Variants in P2RY1 observed in about 807,000 individuals in gnomAD.
P2RY1 encodes purinergic receptor P2Y1.
Under a neutral mutation model 22.8 loss-of-function variants are expected in P2RY1, and 14 were observed. The ratio of observed to expected loss-of-function variants is 0.61; its 90% CI spans 0.41 to 0.96. The LOEUF (loss-of-function observed/expected upper bound fraction) is 0.96. Among genes scored for constraint, P2RY1 ranks in the 40% least tolerant of loss-of-function variants. The probability of loss-of-function intolerance (pLI) is 0.00; values close to 1 mark genes in which losing one functional copy is unlikely to be tolerated. For missense variants in P2RY1, 395 were observed against 470.3 expected (o/e 0.84, Z 1.48); for synonymous variants, 200 against 195.1 (o/e 1.03, Z -0.21).
Position 152,837,038 on chromosome 3 carries a change from T to C in P2RY1, c.*134T>C. 1.4e-6 allele frequency: 1 copy of C among 719,640 alleles called. No homozygotes were observed. The highest frequency in any genetic ancestry group is 2.3e-6 in the Non-Finnish European group (1 of 436,246). The allele number at this position is 719,640 out of a possible 1,614,324, so 44.6% of individuals were successfully genotyped here. ...AGAAAATAGTGAGTTAAAAAAATAA[T>C]AGAAGTAGAAATGCCCACATCCACA... On this transcript the variant is annotated 3_prime_UTR_variant, in exon 1 of 1. Transcript: ENST00000305097.
rs1017618625 is a variant in P2RY1 at position 152,838,335 on chromosome 3, T to G, written c.*1431T>G. The G allele has an allele frequency of 6.6e-6, 1 of 152,204 alleles. No homozygotes were observed. Among genetic ancestry groups the G allele is most frequent in the African/African-American group, 2.4e-5 (1 of 41,452 alleles). The allele number at this position is 152,204 out of a possible 1,614,324, so 9.4% of individuals were successfully genotyped here. On this transcript the variant is annotated 3_prime_UTR_variant, in exon 1 of 1. Coordinates refer to ENST00000305097, the MANE Select transcript of P2RY1 (RefSeq NM_002563.5). ...GTTAATAATTTTAATGAATATTGAATTGCTGCATGTCTAGTCCTTGAAATG... is the reference window on the plus strand; with the variant it reads ...GTTAATAATTTTAATGAATATTGAAGTGCTGCATGTCTAGTCCTTGAAATG...
Position 152,835,237 on chromosome 3 carries a change from C to G in P2RY1, c.-546C>G, listed in dbSNP as rs1716113312. The G allele has an allele frequency of 6.5e-6, 1 of 153,012 alleles. No homozygotes were observed. Among genetic ancestry groups the G allele is most frequent in the African/African-American group, 2.4e-5 (1 of 41,476 alleles). 9.5% of individuals were successfully genotyped at this position (153,012 alleles called of 1,614,324 possible). On this transcript the variant is annotated 5_prime_UTR_variant, in exon 1 of 1. Coordinates refer to ENST00000305097, the MANE Select transcript of P2RY1 (RefSeq NM_002563.5). ...TCTGCGGCCACGCGCGCTCCGATGG[C>G]TGCCAGGAGCTGAGCTCAGGGTGGG... is the stretch of plus-strand genomic sequence containing the variant.
rs560558475 is a variant in P2RY1 at position 152,840,669 on chromosome 3, G to A, written c.*3765G>A. The A allele has an allele frequency of 1.4e-4, 21 of 152,168 alleles. No individual in the cohort carries two copies. The highest frequency in any genetic ancestry group is 4.6e-4 in the African/African-American group (19 of 41,512). The allele number at this position is 152,168 out of a possible 1,614,324, so 9.4% of individuals were successfully genotyped here. On this transcript the variant is annotated 3_prime_UTR_variant, in exon 1 of 1. Coordinates refer to ENST00000305097, the MANE Select transcript of P2RY1 (RefSeq NM_002563.5). ...AGAGAAAAAGGCAGCTGGTATAATC[G>A]GTTACTGCTGCTTAGTTCTACTTAA...
chr3:152,836,600 A>G lies in P2RY1; in HGVS notation c.818A>G (p.Tyr273Cys), dbSNP rs1716166451. Residue 273 changes from tyrosine (Y) to cysteine (C), a missense_variant, in exon 1 of 1, where the codon TAC becomes TGC. Transcript: ENST00000305097. This position sits in a 1 kb window ranked among gnomAD's most constrained non-coding sequence, Gnocchi z 5.6. Reference sequence around the variant, plus strand: ...GTACTGACTGTTTTTGCTGTGTCTTACATCCCTTTCCATGTGATGAAAACG... The same window carrying G: ...GTACTGACTGTTTTTGCTGTGTCTTGCATCCCTTTCCATGTGATGAAAACG... The part of the protein sequence containing the change: ...IIVLTVFAVS[Y>C]IPFHVMKTMN... 6.2e-7 allele frequency: 1 copy of G among 1,614,180 alleles called. No individual in the cohort carries two copies. The highest frequency in any genetic ancestry group is 1.1e-5 in the South Asian group (1 of 91,086).
At position 152,835,713 on chromosome 3, in the gene P2RY1, C is replaced by A. The variant is rs1716134791; in HGVS notation, c.-70C>A. The A allele has an allele frequency of 7.0e-7, 1 of 1,420,518 alleles. No homozygotes were observed. The allele number at this position is 1,420,518 out of a possible 1,614,324, so 88.0% of individuals were successfully genotyped here. ...GCTGGCTTTTCCGATGCTTGCTGCG[C>A]CCCTGGCCGCCGCTGCCCTCTCGCC... On this transcript the variant is annotated 5_prime_UTR_variant, in exon 1 of 1. Transcript: ENST00000305097.
chr3:152,836,268 G>A lies in P2RY1; in HGVS notation c.486G>A (p.Arg162=). ...GVVYPLKSLG[R]LKKKNAICIS... is the part of the protein sequence containing the mutation. ...TGTACCCCCTCAAGTCCCTGGGCCG[G>A]CTCAAAAAGAAGAATGCGATCTGTA... The change falls in exon 1 of 1, where the codon CGG becomes CGA. Residue 162 remains arginine, a synonymous_variant. Coordinates refer to ENST00000305097, the MANE Select transcript of P2RY1 (RefSeq NM_002563.5). This position sits in a 1 kb window ranked among gnomAD's most constrained non-coding sequence, Gnocchi z 5.6. The A allele has an allele frequency of 6.2e-7, 1 of 1,614,126 alleles. No homozygotes were observed.
In P2RY1 at chr3:152,836,079, G is replaced by A; in HGVS notation, c.297G>A (p.Leu99=). 6.2e-7 allele frequency: 1 copy of A among 1,614,184 alleles called. No individual in the cohort carries two copies. The highest frequency in any genetic ancestry group is 8.5e-7 in the Non-Finnish European group (1 of 1,180,048). The part of the protein sequence containing the change: ...YMFNLALADF[L]YVLTLPALIF... ...TCAATTTGGCTCTGGCCGACTTCTT[G>A]TACGTGCTGACTCTGCCAGCCCTGA... The change falls in exon 1 of 1, where the codon TTG becomes TTA. Residue 99 remains leucine (L), a synonymous_variant. Coordinates refer to ENST00000305097, the MANE Select transcript of P2RY1 (RefSeq NM_002563.5). The surrounding 1 kb of genome is among the most constrained non-coding windows in gnomAD (Gnocchi z 5.6).
rs1326041190 is a variant in P2RY1 at position 152,839,124 on chromosome 3, T to A, written c.*2220T>A. ...TTCAGCGTCCAGAGAATTTTGTGAG[T>A]GTGGATCCAGTGAGGAGGTGAACAG... is the stretch of plus-strand genomic sequence containing the variant. On this transcript the variant is annotated 3_prime_UTR_variant, in exon 1 of 1. Coordinates refer to ENST00000305097, the MANE Select transcript of P2RY1 (RefSeq NM_002563.5). 1.3e-5 allele frequency: 2 copies of A among 152,184 alleles called. No homozygotes were observed. Among genetic ancestry groups the A allele is most frequent in the East Asian group, 3.8e-4 (2 of 5,198 alleles). The allele number at this position is 152,184 out of a possible 1,614,324, so 9.4% of individuals were successfully genotyped here. A position where few individuals can be genotyped will look rare whatever the true frequency, so the allele number is the denominator to read the frequency against.
In P2RY1 at chr3:152,840,826, A is replaced by T. The variant is rs888113665; in HGVS notation, c.*3922A>T. ...TAATCTGTTTTTTTTTGTTTAGTTG[A>T]TAACTTAAATTCCAAGTTTCATAGT... On this transcript the variant is annotated 3_prime_UTR_variant, in exon 1 of 1. Coordinates refer to ENST00000305097, the MANE Select transcript of P2RY1 (RefSeq NM_002563.5). The T allele has an allele frequency of 2.6e-5, 4 of 152,092 alleles. No homozygotes were observed. Among genetic ancestry groups the T allele is most frequent in the African/African-American group, 9.7e-5 (4 of 41,422 alleles). 9.4% of individuals were successfully genotyped at this position (152,092 alleles called of 1,614,324 possible).
chr3:152,836,277 G>C lies in P2RY1; in HGVS notation c.495G>C (p.Lys165Asn), dbSNP rs1454794599. Reference sequence around the variant, plus strand: ...TCAAGTCCCTGGGCCGGCTCAAAAAGAAGAATGCGATCTGTATCAGCGTGC... The same window carrying C: ...TCAAGTCCCTGGGCCGGCTCAAAAACAAGAATGCGATCTGTATCAGCGTGC... ...YPLKSLGRLK[K>N]KNAICISVLV... Residue 165 changes from lysine (K) to asparagine (N), a missense_variant, in exon 1 of 1, where the codon AAG becomes AAC. By Grantham distance (94) the Lys-to-Asn change is moderately conservative (BLOSUM62 0). Coordinates refer to ENST00000305097, the MANE Select transcript of P2RY1 (RefSeq NM_002563.5). The surrounding 1 kb of genome is among the most constrained non-coding windows in gnomAD (Gnocchi z 5.6). 6.2e-7 allele frequency: 1 copy of C among 1,614,130 alleles called. No homozygotes were observed.
chr3:152,836,625 G>A lies in P2RY1; in HGVS notation c.843G>A (p.Thr281=), dbSNP rs376276469. 6.3e-5 allele frequency: 102 copies of A among 1,614,022 alleles called. No homozygotes were observed. Among genetic ancestry groups the A allele is most frequent in the Non-Finnish European group, 8.6e-5 (101 of 1,180,038 alleles). The stretch of plus-strand genomic sequence containing the variant: ...ACATCCCTTTCCATGTGATGAAAAC[G>A]ATGAACTTGAGGGCCCGGCTTGATT... ...VSYIPFHVMK[T]MNLRARLDFQ... The change falls in exon 1 of 1, where the codon ACG becomes ACA. Residue 281 remains threonine, a synonymous_variant. Transcript: ENST00000305097. This position sits in a 1 kb window ranked among gnomAD's most constrained non-coding sequence, Gnocchi z 5.6.
At position 152,835,625 on chromosome 3, in the gene P2RY1, G is replaced by T; in HGVS notation, c.-158G>T. The T allele has an allele frequency of 1.4e-6, 1 of 696,376 alleles. No individual in the cohort carries two copies. Among genetic ancestry groups the T allele is most frequent in the South Asian group, 2.0e-5 (1 of 50,772 alleles). The allele number at this position is 696,376 out of a possible 1,614,324, so 43.1% of individuals were successfully genotyped here. On this transcript the variant is annotated 5_prime_UTR_variant, in exon 1 of 1. Coordinates refer to ENST00000305097, the MANE Select transcript of P2RY1 (RefSeq NM_002563.5). ...CGCGGCGAACGCGGGGCCAGAGCTG[G>T]CGTGGGCGAGCCCCTGCGCGCCCCC... is the stretch of plus-strand genomic sequence containing the variant.
Position 152,837,320 on chromosome 3 carries a change from G to T in P2RY1, c.*416G>T. On this transcript the variant is annotated 3_prime_UTR_variant, in exon 1 of 1. Coordinates refer to ENST00000305097, the MANE Select transcript of P2RY1 (RefSeq NM_002563.5). ...ATTGTTTTTTTAAAATCCACAGTAG[G>T]AATAAAAAATCTATATTCTCAGAAA... 1 of 176,216 alleles carries T rather than the reference G, an allele frequency of 5.7e-6. No individual in the cohort carries two copies. The highest frequency in any genetic ancestry group is 6.1e-5 in the Admixed American group (1 of 16,268). 10.9% of individuals were successfully genotyped at this position (176,216 alleles called of 1,614,324 possible). A position where few individuals can be genotyped will look rare whatever the true frequency, so the allele number is the denominator to read the frequency against.
chr3:152,838,418 C>G lies in P2RY1; in HGVS notation c.*1514C>G, dbSNP rs1030279802. On this transcript the variant is annotated 3_prime_UTR_variant, in exon 1 of 1. Transcript: ENST00000305097. ...AGATAATGCAATTGACAATCCCAAA[C>G]AAATCCAGTGTCAAAGGAATTTTTA... The G allele has an allele frequency of 1.3e-5, 2 of 152,166 alleles. No homozygotes were observed. The highest frequency in any genetic ancestry group is 4.8e-5 in the African/African-American group (2 of 41,436). 9.4% of individuals were successfully genotyped at this position (152,166 alleles called of 1,614,324 possible).
rs1255074702 is a variant in P2RY1 at position 152,835,670 on chromosome 3, G to C, written c.-113G>C. The C allele has an allele frequency of 1.7e-5, 18 of 1,074,286 alleles. No individual in the cohort carries two copies. Among genetic ancestry groups the C allele is most frequent in the Non-Finnish European group, 1.3e-5 (10 of 768,302 alleles). 66.5% of individuals were successfully genotyped at this position (1,074,286 alleles called of 1,614,324 possible). On this transcript the variant is annotated 5_prime_UTR_variant, in exon 1 of 1. Coordinates refer to ENST00000305097, the MANE Select transcript of P2RY1 (RefSeq NM_002563.5). ...GCCCCCTCCCGCGGGGATCCAGTTC[G>C]CCTGCTCCCTTCCGCTCGCTGGCTT... is the stretch of plus-strand genomic sequence containing the variant.
Position 152,837,035 on chromosome 3 carries a change from T to C in P2RY1, c.*131T>C. 1 of 731,970 alleles carries C rather than the reference T, an allele frequency of 1.4e-6. No individual in the cohort carries two copies. The highest frequency in any genetic ancestry group is 2.2e-6 in the Non-Finnish European group (1 of 447,060). The allele number at this position is 731,970 out of a possible 1,614,324, so 45.3% of individuals were successfully genotyped here. On this transcript the variant is annotated 3_prime_UTR_variant, in exon 1 of 1. Coordinates refer to ENST00000305097, the MANE Select transcript of P2RY1 (RefSeq NM_002563.5). ...CCAAGAAAATAGTGAGTTAAAAAAATAATAGAAGTAGAAATGCCCACATCC... is the reference window on the plus strand; with the variant it reads ...CCAAGAAAATAGTGAGTTAAAAAAACAATAGAAGTAGAAATGCCCACATCC...
At position 152,839,602 on chromosome 3, in the gene P2RY1, A is replaced by G. The variant is rs1381184555; in HGVS notation, c.*2698A>G. On this transcript the variant is annotated 3_prime_UTR_variant, in exon 1 of 1. Transcript: ENST00000305097. ...CATTGAAATGACAAAAAGACAAACT[A>G]AGAAGAAATACAGCATGCAAGTTGG... 1 of 152,242 alleles carries G rather than the reference A, an allele frequency of 6.6e-6. No individual in the cohort carries two copies. The highest frequency in any genetic ancestry group is 1.5e-5 in the Non-Finnish European group (1 of 68,046). 9.4% of individuals were successfully genotyped at this position (152,242 alleles called of 1,614,324 possible).
rs768238255 is a variant in P2RY1, at chr3:152,835,772, A to G, written c.-11A>G. ...CCCCTCGGAGCCGCCGCCTAAGTCG[A>G]GGAGGAGAGAATGACCGAGGTGCTG... On this transcript the variant is annotated 5_prime_UTR_variant, in exon 1 of 1. Transcript: ENST00000305097. 1.9e-6 allele frequency: 3 copies of G among 1,580,354 alleles called. No individual in the cohort carries two copies. The African/African-American group carries it at 4.0e-5, about 21-fold the overall frequency.
rs879427511 is a variant in P2RY1, at chr3:152,837,233, T to G, written c.*329T>G. 3 of 221,376 alleles carry G rather than the reference T, an allele frequency of 1.4e-5. No individual in the cohort carries two copies. Among genetic ancestry groups the G allele is most frequent in the African/African-American group, 4.6e-5 (2 of 43,544 alleles). The allele number at this position is 221,376 out of a possible 1,614,324, so 13.7% of individuals were successfully genotyped here. On this transcript the variant is annotated 3_prime_UTR_variant, in exon 1 of 1. Transcript: ENST00000305097. ...ATGAGTACTGGGGCTGTTTTTGATATTAGTAATTTCTCTAAGAAAACTAGC... is the reference window on the plus strand; with the variant it reads ...ATGAGTACTGGGGCTGTTTTTGATAGTAGTAATTTCTCTAAGAAAACTAGC...
Sources: gnomAD v4.1 joint callset for allele counts on GRCh38, gnomAD v4.1.1 for gene constraint, Gnocchi (gnomAD v3.1) non-coding constraint, MANE v1.5 for transcripts, NCBI Gene and HGNC (gene_info 2026-07-23, HGNC 2026-07-21) for gene names.